ZHX2: variants seen among roughly 807,000 people sequenced by gnomAD.
ZHX2 encodes zinc fingers and homeoboxes 2, also known as zinc fingers and homeoboxes protein 2.
Under a neutral mutation model 21.9 loss-of-function variants are expected in ZHX2, and 6 were observed. That is an observed-to-expected ratio of 0.27 (90% CI 0.15 to 0.54). ZHX2 has a LOEUF of 0.54. ZHX2 is among the 20% of genes least tolerant of loss of function. The pLI, the probability that ZHX2 is intolerant of heterozygous loss-of-function variation, is 0.95. For missense variants in ZHX2, 908 were observed against 1,090.7 expected, an observed-to-expected ratio of 0.83 and a Z score of 2.36; for synonymous variants, 434 against 437.1, an observed-to-expected ratio of 0.99 and a Z score of 0.09.
At chr8:122,909,493 G>A (rs759896679) in intron 2 of ZHX2, among the ~76,000 whole-genome samples, 7 of 151,470 alleles carry the variant, frequency 4.6e-5, no homozygotes, top group Non-Finnish European at 2.9e-5. Context: ...AATACTCGTT[G>A]CTCTTTAATT....
chr8:122,927,691 C>T (rs1820892412), intron 2 of ZHX2, among the ~76,000 whole-genome samples: 1 of 152,126 alleles, frequency 6.6e-6, no homozygotes, highest in African/African-American at 2.4e-5. Context: ...TTCACTATCA[C>T]AAGAATAGAA....
intron 2 of ZHX2, among the ~76,000 whole-genome samples, chr8:122,948,048 C>A (rs1358317898): frequency 2.0e-5 from 3 of 152,194 alleles, no homozygotes; most frequent in African/African-American, 7.2e-5. Flanking sequence ...CCAGCCTACA[C>A]ATGCCAGTGC....
At chr8:122,870,638 CAAAAAAAAAAAA>C (rs59071295) in intron 2 of ZHX2, among the ~76,000 whole-genome samples, 11 of 63,916 alleles carry the variant, frequency 1.7e-4, no homozygotes, top group East Asian at 5.2e-4. Flanking sequence ...GTCTCTGTCT[CAAAAAAAAAAAA>C]AAAAAAAAAA....
chr8:122,799,774 C>T (rs750218143), intron 1 of ZHX2, among the ~76,000 whole-genome samples: 1 of 152,238 alleles, frequency 6.6e-6, no homozygotes, highest in Non-Finnish European at 1.5e-5. Context: ...CGAGGAGAGT[C>T]CTGTCCACCT....
At chr8:122,809,663 T>C (rs781421885) in intron 1 of ZHX2, among the ~76,000 whole-genome samples, 6 of 152,078 alleles carry the variant, frequency 3.9e-5, no homozygotes, top group Non-Finnish European at 8.8e-5. Flanking sequence ...CCAATGTGCC[T>C]GAGGGGACCC....
rs553555577 is a variant in ZHX2, at chr8:122,953,444, G to T, written c.1934G>T (p.Ser645Ile). Residue 645 changes from serine (S) to isoleucine (I), a missense_variant, in exon 3 of 4, where the codon AGC (serine) becomes ATC (isoleucine). Coordinates refer to ENST00000314393, the MANE Select transcript of ZHX2 (RefSeq NM_014943.5). The surrounding 1 kb of genome is among the most constrained non-coding windows in gnomAD (Gnocchi z 4.6). ...KSQEQVHLLR[S>I]TFARTQWPTP... is the part of the protein sequence containing the mutation. ...CAAGAACAGGTTCATCTCCTGAGGA[G>T]CACGTTTGCAAGAACCCAGTGGCCT... is the stretch of plus-strand genomic sequence containing the variant. 29 of 1,614,094 alleles carry T rather than the reference G, an allele frequency of 1.8e-5. No individual in the cohort carries two copies. Among genetic ancestry groups the T allele is most frequent in the Non-Finnish European group, 2.5e-5 (29 of 1,180,058 alleles).
intron 1 of ZHX2, among the ~76,000 whole-genome samples, chr8:122,851,779 T>C (rs1675369655): frequency 6.6e-6 from 1 of 152,196 alleles, no homozygotes; most frequent in South Asian, 2.1e-4. Context: ...AGTAAATAAA[T>C]GTTCCCTGGC....
intron 2 of ZHX2, among the ~76,000 whole-genome samples, chr8:122,928,254 C>T (rs894879521): frequency 2.6e-5 from 4 of 152,126 alleles, no homozygotes; most frequent in Non-Finnish European, 5.9e-5. Flanking sequence ...GATAAGAACC[C>T]GACAACCTTG....
chr8:122,821,650 A>G (rs13270236), intron 1 of ZHX2, among the ~76,000 whole-genome samples: 19,383 of 152,092 alleles, frequency 0.13, 1,407 homozygotes, highest in East Asian at 0.23. Flanking sequence ...GAGCGGGTAG[A>G]CATTAGAACT....
intron 3 of ZHX2, among the ~76,000 whole-genome samples, chr8:122,958,978 A>C (rs1813376063): frequency 6.6e-6 from 1 of 152,222 alleles, no homozygotes; most frequent in African/African-American, 2.4e-5. Flanking sequence ...CACAGAAACC[A>C]GAGGAGCTAG....
chr8:122,897,112 A>G (rs1440878124), intron 2 of ZHX2, among the ~76,000 whole-genome samples: 2 of 152,200 alleles, frequency 1.3e-5, no homozygotes, highest in Admixed American at 6.5e-5. Context: ...AGCCTGCTCA[A>G]ATAGGAGCCT....
chr8:122,941,301 A>G (rs1460849541), intron 2 of ZHX2, among the ~76,000 whole-genome samples: 4 of 152,224 alleles, frequency 2.6e-5, no homozygotes, highest in Non-Finnish European at 5.9e-5. Context: ...TAGTACTATC[A>G]GGTTTCCTTG....
At chr8:122,920,631 G>A (rs558369915) in intron 2 of ZHX2, among the ~76,000 whole-genome samples, 1 of 152,294 alleles carries the variant, frequency 6.6e-6, no homozygotes, top group Admixed American at 6.5e-5. Context: ...TTTTCACTTA[G>A]CATTGGAGGC....
intron 2 of ZHX2, among the ~76,000 whole-genome samples, chr8:122,902,097 A>G (rs768985319): frequency 2.6e-5 from 4 of 152,238 alleles, no homozygotes; most frequent in Non-Finnish European, 5.9e-5. Context: ...CCTACTTTAG[A>G]TGAGCTTGCA....
chr8:122,877,733 A>T (rs2129753659), intron 2 of ZHX2, among the ~76,000 whole-genome samples: 1 of 152,200 alleles, frequency 6.6e-6, no homozygotes, highest in Non-Finnish European at 1.5e-5. Flanking sequence ...ATTTTCATGG[A>T]CTGAGAGGAT....
At chr8:122,899,473 C>G (rs933747625) in intron 2 of ZHX2, among the ~76,000 whole-genome samples, 3 of 152,140 alleles carry the variant, frequency 2.0e-5, no homozygotes, top group African/African-American at 7.2e-5. Flanking sequence ...TGGAGCCAAA[C>G]GGGATTGATT....
At chr8:122,847,557 G>C (rs989288982) in intron 1 of ZHX2, among the ~76,000 whole-genome samples, 1 of 152,188 alleles carries the variant, frequency 6.6e-6, no homozygotes, top group Non-Finnish European at 1.5e-5. Context: ...TATGTGCCAG[G>C]CCCAGTGCCA....
rs1277986031 is a variant in ZHX2 at position 122,953,262 on chromosome 8, A to T, written c.1752A>T (p.Arg584=). Reference sequence around the variant, plus strand: ...GGTTCTCGGAGAGGCGGAAGCTTCGAGACAGCATGGAACAAGCTGTCTTGG... The same window carrying T: ...GGTTCTCGGAGAGGCGGAAGCTTCGTGACAGCATGGAACAAGCTGTCTTGG... The part of the protein sequence containing the change: ...DSWFSERRKL[R]DSMEQAVLDS... Residue 584 remains arginine (R), a synonymous_variant, in exon 3 of 4, where the codon CGA becomes CGT. Transcript: ENST00000314393. The surrounding 1 kb of genome is among the most constrained non-coding windows in gnomAD (Gnocchi z 4.6). The T allele has an allele frequency of 3.7e-6, 6 of 1,614,066 alleles. No individual in the cohort carries two copies. In the South Asian group the frequency reaches 6.6e-5, roughly 18 times the overall value.
intron 1 of ZHX2, among the ~76,000 whole-genome samples, chr8:122,844,787 AG>A (rs1399061644): frequency 6.6e-6 from 1 of 152,220 alleles, no homozygotes; most frequent in African/African-American, 2.4e-5. Flanking sequence ...AATAGCAGAA[AG>A]GCAATGACTG....
Sources: gnomAD v4.1 joint callset for allele counts (sites outside exome capture counted in the v4.1 genomes callset) on GRCh38, gnomAD v4.1.1 for gene constraint, Gnocchi (gnomAD v3.1) non-coding constraint, MANE v1.5 for transcripts, NCBI Gene and HGNC (gene_info 2026-07-23, HGNC 2026-07-21) for gene names.